Variants in HTT observed in about 807,000 individuals in gnomAD.
HTT encodes huntington disease protein.
A neutral mutation model predicts 362.3 loss-of-function variants in HTT; 104 were observed. That is an observed-to-expected ratio of 0.29 (90% confidence interval 0.24 to 0.34). The LOEUF (loss-of-function observed/expected upper bound fraction) is 0.34, where lower values mean the gene tolerates loss of function less well. HTT is among the 10% of genes least tolerant of loss of function. HTT has a pLI of 1.00. For missense variants in HTT, 3,301 were observed against 3,928.6 expected, an observed-to-expected ratio of 0.84 and a Z score of 4.27; for synonymous variants, 1,577 against 1,548.7, an observed-to-expected ratio of 1.02 and a Z score of -0.43.
intron 1 of HTT, among the ~76,000 whole-genome samples, chr4:3,077,912 A>C (rs1390966315): frequency 1.3e-5 from 2 of 152,236 alleles, no homozygotes; most frequent in Admixed American, 1.3e-4. Context: ...AGTTCTGTTC[A>C]CGTGCTTCAG....
At chr4:3,194,160 G>A (rs190105425) in intron 40 of HTT, among the ~76,000 whole-genome samples, 2 of 152,154 alleles carry the variant, frequency 1.3e-5, no homozygotes, top group Non-Finnish European at 2.9e-5. Context: ...CCCATAAACC[G>A]AAAATGAAGA....
At chr4:3,175,295 G>T (rs1718187339) in intron 33 of HTT, among the ~76,000 whole-genome samples, 188 bp downstream of exon 33, 1 of 152,222 alleles carries the variant, frequency 6.6e-6, no homozygotes, top group African/African-American at 2.4e-5. Context: ...CAGCAAGTCA[G>T]CATCCTTGCC....
chr4:3,172,419 T>C, intron 30 of HTT, 22 bp downstream of exon 30: 2 of 1,526,942 alleles, frequency 1.3e-6, no homozygotes, highest in Non-Finnish European at 1.8e-6. Context: ...ATTCTTTTCC[T>C]CTTCTGTTAA....
At chr4:3,223,916 G>A (rs1720791846) in intron 55 of HTT, 76 bp from the exon 56 acceptor site, 1 of 1,512,048 alleles carries the variant, frequency 6.6e-7, no homozygotes, top group Admixed American at 1.7e-5. Context: ...GCAAAGCGGA[G>A]GGAAAGTTCT....
At chr4:3,153,650 C>T (rs891760637) in intron 26 of HTT, among the ~76,000 whole-genome samples, 2 of 152,090 alleles carry the variant, frequency 1.3e-5, no homozygotes, top group South Asian at 2.1e-4. Flanking sequence ...GGGTTGGGCA[C>T]GGTGGCTCAT....
At chr4:3,215,047 T>A (rs1162579800) in intron 50 of HTT, 63 bp from the exon 51 acceptor site, 4 of 1,325,112 alleles carry the variant, frequency 3.0e-6, no homozygotes, top group African/African-American at 1.4e-5. Flanking sequence ...ATGTAAAATG[T>A]TGAATAAAAA....
At chr4:3,194,623 G>A (rs1560588208) in intron 40 of HTT, among the ~76,000 whole-genome samples, 2 of 152,206 alleles carry the variant, frequency 1.3e-5, no homozygotes, top group Admixed American at 6.5e-5. Flanking sequence ...GGTGGCAGGA[G>A]CTGCTGCCCC....
rs552520540 is a variant in HTT at position 3,123,037 on chromosome 4, C to T, written c.1321+101C>T. Reference sequence around the variant, plus strand: ...GTATTTCTTGTAATACTGTATTGGACTCTGTGTATATCTCTTCTCAGATGA... The same window carrying T: ...GTATTTCTTGTAATACTGTATTGGATTCTGTGTATATCTCTTCTCAGATGA... On this transcript the variant is annotated intron_variant, in intron 10 of 66. Transcript: ENST00000355072. 1.8e-4 allele frequency: 159 copies of T among 869,146 alleles called. 1 individual carries two copies. In the South Asian group the frequency reaches 2.2e-3, roughly 12 times the overall value. 53.8% of individuals were successfully genotyped at this position (869,146 alleles called of 1,614,324 possible). A position where few individuals can be genotyped will look rare whatever the true frequency, so the allele number is the denominator to read the frequency against.
intron 1 of HTT, among the ~76,000 whole-genome samples, chr4:3,086,331 A>G (rs1217581253): frequency 6.6e-6 from 1 of 152,106 alleles, no homozygotes; most frequent in Non-Finnish European, 1.5e-5. Context: ...TATCTGTGTG[A>G]TCTTGGGCAT....
intron 28 of HTT, 135 bp from the exon 29 acceptor site, chr4:3,160,147 C>T (rs1717365388): frequency 8.3e-6 from 5 of 600,566 alleles, no homozygotes; most frequent in South Asian, 2.1e-5. Flanking sequence ...CACGCAGACA[C>T]ACCCTGCAAG....
intron 56 of HTT, among the ~76,000 whole-genome samples, chr4:3,225,043 A>G (rs1394263095): frequency 1.3e-5 from 2 of 151,874 alleles, no homozygotes; most frequent in Admixed American, 6.6e-5. Context: ...GGAGGAGGCA[A>G]GTTGATCTGG....
At chr4:3,109,066 AATAT>A (rs200341926) in intron 6 of HTT, among the ~76,000 whole-genome samples, 1 of 84,004 alleles carries the variant, frequency 1.2e-5, no homozygotes, top group Admixed American at 1.0e-4. Flanking sequence ...AAAAAAAAAA[AATAT>A]ATATATATAT....
At chr4:3,209,556 G>A (rs1016202028) in intron 46 of HTT, among the ~76,000 whole-genome samples, 8 of 152,194 alleles carry the variant, frequency 5.3e-5, no homozygotes, top group African/African-American at 1.9e-4. Context: ...CAAAGGGGCC[G>A]CTAACCCTTA....
chr4:3,151,938 A>G (rs948103277), intron 26 of HTT, among the ~76,000 whole-genome samples: 6 of 151,836 alleles, frequency 4.0e-5, no homozygotes, highest in African/African-American at 1.2e-4. Context: ...ATTTAATTTA[A>G]TTTTTTTGAG....
chr4:3,115,584 GC>G, intron 7 of HTT, 139 bp downstream of exon 7: 1 of 679,740 alleles, frequency 1.5e-6, no homozygotes, highest in East Asian at 2.7e-5. Flanking sequence ...CTGCACTGGG[GC>G]TGCTGTGAGC....
chr4:3,144,804 GC>G (rs1716520905), intron 23 of HTT, among the ~76,000 whole-genome samples: 1 of 152,172 alleles, frequency 6.6e-6, no homozygotes, highest in Non-Finnish European at 1.5e-5. Flanking sequence ...CAGGATTCCT[GC>G]CCTTAGGGTT....
chr4:3,187,423 G>A (rs1017645528), intron 38 of HTT, among the ~76,000 whole-genome samples: 4 of 152,194 alleles, frequency 2.6e-5, no homozygotes, highest in African/African-American at 9.7e-5. Context: ...CCAAAGTGTT[G>A]GGATTACAGG....
intron 41 of HTT, among the ~76,000 whole-genome samples, chr4:3,201,174 C>G (rs752963112): frequency 6.6e-6 from 1 of 152,224 alleles, no homozygotes; most frequent in East Asian, 1.9e-4. Context: ...TTCGTGACCC[C>G]CTCTGATCCA....
At chr4:3,091,458 G>A (rs1713504248) in intron 2 of HTT, among the ~76,000 whole-genome samples, 1 of 152,198 alleles carries the variant, frequency 6.6e-6, no homozygotes, top group Non-Finnish European at 1.5e-5. Flanking sequence ...ACTGTTTTGA[G>A]TGGAATATAG....
Sources: allele counts gnomAD v4.1 joint callset (sites outside exome capture counted in the v4.1 genomes callset), GRCh38; gene constraint gnomAD v4.1.1; transcripts MANE v1.5; gene names NCBI Gene and HGNC (gene_info 2026-07-23, HGNC 2026-07-21).